Variants in CPA1 observed in about 807,000 individuals in gnomAD.
The protein encoded by CPA1 is carboxypeptidase A1 (pancreatic).
In CPA1, 42 loss-of-function variants were observed where a neutral mutation model predicts 48.7. The ratio of observed to expected loss-of-function variants is 0.86; its 90% CI spans 0.67 to 1.11. The LOEUF (loss-of-function observed/expected upper bound fraction) is 1.11. Ranked by LOEUF, CPA1 falls within the 50% of genes most tolerant of loss-of-function variation. The pLI is 0.00. For missense variants in CPA1, 477 were observed against 544.7 expected, an observed-to-expected ratio of 0.88 and a Z score of 1.24; for synonymous variants, 203 against 217.9, an observed-to-expected ratio of 0.93 and a Z score of 0.60.
chr7:130,384,668 C>G (rs373588913), intron 7 of CPA1, 42 bp downstream of exon 7: 3 of 1,504,976 alleles, frequency 2.0e-6, no homozygotes, highest in Non-Finnish European at 2.8e-6. Flanking sequence ...GGGATGGCCT[C>G]GAATGGCTCC....
intron 6 of CPA1, 64 bp from the exon 7 acceptor site, chr7:130,384,472 C>T: frequency 6.9e-7 from 1 of 1,452,680 alleles, no homozygotes; most frequent in Non-Finnish European, 9.7e-7. Context: ...GAACCACCCC[C>T]CACCCAGCAC....
chr7:130,382,019 G>A, intron 3 of CPA1, 89 bp from the exon 4 acceptor site: 6 of 1,250,714 alleles, frequency 4.8e-6, no homozygotes, highest in Admixed American at 1.9e-5. Context: ...TGCAGGGCTC[G>A]CAGCAGGCTG....
rs781853343 is a variant in CPA1 at position 130,387,863 on chromosome 7, A to G, written c.1112A>G (p.Gln371Arg). ...AGCACTATTGACTGGACCTACAGCC[A>G]GGGCATCAAGTACTCCTTCACCTTC... is the stretch of plus-strand genomic sequence containing the variant. ...SGSTIDWTYS[Q>R]GIKYSFTFEL... The change falls in exon 10 of 10, where the codon CAG (glutamine) becomes CGG (arginine). Residue 371 changes from glutamine to arginine, a missense_variant. By Grantham distance (43) the Gln-to-Arg change is conservative (BLOSUM62 1). Transcript: ENST00000011292. This position sits in a 1 kb window ranked among gnomAD's most constrained non-coding sequence, Gnocchi z 4.6. 4.3e-6 allele frequency: 7 copies of G among 1,614,030 alleles called. No individual in the cohort carries two copies. The East Asian group carries it at 1.6e-4, about 36-fold the overall frequency.
intron 2 of CPA1, 44 bp downstream of exon 2, chr7:130,381,223 G>T (rs984637728): frequency 2.1e-6 from 3 of 1,453,758 alleles, no homozygotes; most frequent in Admixed American, 1.8e-5. Flanking sequence ...CAGGGTATCA[G>T]CTGGGGCCAC....
In CPA1 at chr7:130,383,699, G is replaced by C; in HGVS notation, c.601G>C (p.Gly201Arg). 1 of 1,613,858 alleles carries C rather than the reference G, an allele frequency of 6.2e-7. No individual in the cohort carries two copies. Among genetic ancestry groups the C allele is most frequent in the Non-Finnish European group, 8.5e-7 (1 of 1,179,720 alleles). Residue 201 changes from glycine to arginine, a missense_variant, in exon 6 of 10, where the codon GGG becomes CGG. By Grantham distance (125) the Gly-to-Arg change is moderately radical (BLOSUM62 -2). Coordinates refer to ENST00000011292, the MANE Select transcript of CPA1 (RefSeq NM_001868.4). The part of the protein sequence containing the change: ...WFAKKITQDY[G>R]QDAAFTAILD... Reference sequence around the variant, plus strand: ...AACCCCCCAGATCACTCAAGACTACGGGCAGGATGCAGCTTTCACCGCCAT... The same window carrying C: ...AACCCCCCAGATCACTCAAGACTACCGGCAGGATGCAGCTTTCACCGCCAT...
Position 130,387,807 on chromosome 7 carries a change from T to C in CPA1, c.1073-17T>C. On this transcript the variant is annotated splice_polypyrimidine_tract_variant and intron_variant, in intron 9 of 9. Coordinates refer to ENST00000011292, the MANE Select transcript of CPA1 (RefSeq NM_001868.4). The surrounding 1 kb of genome is among the most constrained non-coding windows in gnomAD (Gnocchi z 4.6). ...AAAGTGATTGACCCTTTCTCTCCTA[T>C]TTTACTCCTGCCCCAGATCAAGCCA... 6.2e-7 allele frequency: 1 copy of C among 1,611,662 alleles called. No homozygotes were observed. Among genetic ancestry groups the C allele is most frequent in the Non-Finnish European group, 8.5e-7 (1 of 1,178,496 alleles).
At chr7:130,382,714 G>A (rs988650937) in intron 4 of CPA1, among the ~76,000 whole-genome samples, 4 of 141,894 alleles carry the variant, frequency 2.8e-5, no homozygotes, top group South Asian at 4.5e-4. Context: ...GCGTCATCTC[G>A]GCTCACTGAA....
rs782633916 is a variant in CPA1, at chr7:130,385,130, C to T, written c.788-16C>T. 3.1e-6 allele frequency: 5 copies of T among 1,613,768 alleles called. No individual in the cohort carries two copies. Among genetic ancestry groups the T allele is most frequent in the Non-Finnish European group, 3.4e-6 (4 of 1,179,846 alleles). The stretch of plus-strand genomic sequence containing the variant: ...GCTGGAGGAGCCACACCGCCATGCC[C>T]TCTGTCCCCCCACAGTGTCCGGAGC... On this transcript the variant is annotated splice_polypyrimidine_tract_variant and intron_variant, in intron 7 of 9. Transcript: ENST00000011292.
At chr7:130,382,630 ATTTTTT>A (rs34457825) in intron 4 of CPA1, among the ~76,000 whole-genome samples, 19 of 74,386 alleles carry the variant, frequency 2.6e-4, no homozygotes, top group South Asian at 2.0e-3. Context: ...TGCCCGGGTA[ATTTTTT>A]TTTTTTTTTT....
chr7:130,385,424 T>C, intron 8 of CPA1, 79 bp downstream of exon 8: 1 of 1,331,364 alleles, frequency 7.5e-7, no homozygotes, highest in Middle Eastern at 2.3e-4. Flanking sequence ...TCAGACCTGC[T>C]TAAGGCACAG....
chr7:130,387,374 C>T lies in CPA1; in HGVS notation c.1073-450C>T, dbSNP rs1161577635. On this transcript the variant is annotated intron_variant, in intron 9 of 9. Transcript: ENST00000011292. The surrounding 1 kb of genome is among the most constrained non-coding windows in gnomAD (Gnocchi z 4.6). ...CATTACCCACTGTTAATTACAGTTT[C>T]CCGGGCAAAGTTTCCTCCTAAAAGA... is the stretch of plus-strand genomic sequence containing the variant. 1.3e-5 allele frequency among the ~76,000 whole-genome samples: 2 copies of T among 152,208 alleles called. No individual in the cohort carries two copies. Among genetic ancestry groups the T allele is most frequent in the African/African-American group, 4.8e-5 (2 of 41,454 alleles).
At position 130,382,226 on chromosome 7, in the gene CPA1, G is replaced by GACAT; in HGVS notation, c.483+21_483+24dup. 6.3e-7 allele frequency: 1 copy of GACAT among 1,596,990 alleles called. No homozygotes were observed. Among genetic ancestry groups the GACAT allele is most frequent in the Non-Finnish European group, 8.6e-7 (1 of 1,164,530 alleles). ...GTGCTGAAGGTAACATCCACATGTG[G>GACAT]ACATACACAGGGGAGAATGGACCCA... On this transcript the variant is annotated intron_variant, in intron 4 of 9. Coordinates refer to ENST00000011292, the MANE Select transcript of CPA1 (RefSeq NM_001868.4).
At chr7:130,383,976 A>T (rs532987707) in intron 6 of CPA1, 182 bp downstream of exon 6, 25 of 623,468 alleles carry the variant, frequency 4.0e-5, no homozygotes, top group Non-Finnish European at 6.4e-5. Context: ...ATTCTTTGTC[A>T]TGGGGGCTGT....
At chr7:130,386,359 C>T (rs113898380) in intron 9 of CPA1, among the ~76,000 whole-genome samples, 3,212 of 151,888 alleles carry the variant, frequency 0.021, 109 homozygotes, top group African/African-American at 0.072. Flanking sequence ...GGTGAAACCC[C>T]GTCTTTATTA....
intron 9 of CPA1, among the ~76,000 whole-genome samples, chr7:130,386,617 G>A (rs1554412076): frequency 6.6e-6 from 1 of 152,106 alleles, no homozygotes; most frequent in African/African-American, 2.4e-5. Context: ...ACTTATTCAT[G>A]CAGTGCCCCT....
chr7:130,384,203 A>T (rs1392376069), intron 6 of CPA1: 2 of 452,976 alleles, frequency 4.4e-6, no homozygotes, highest in East Asian at 8.3e-5. Context: ...GACCAATGAC[A>T]TGGGGCCACA....
Position 130,381,642 on chromosome 7 carries a change from CG to C in CPA1, c.165del (p.Pro56LeufsTer34), listed in dbSNP as rs1796405551. On this transcript the variant is annotated frameshift_variant, in exon 3 of 10. Coordinates refer to ENST00000011292, the MANE Select transcript of CPA1 (RefSeq NM_001868.4). LOFTEE classifies it high-confidence loss of function. ...TTGTCCTCCCCAGCTGGACTTCTGGCGGGGGCCTGCCCACCCTGGCTCCCCC... is the reference window on the plus strand; with the variant it reads ...TTGTCCTCCCCAGCTGGACTTCTGGCGGGGCCTGCCCACCCTGGCTCCCCC... Reference protein sequence around the residue: ...DLEHLQLDFWRGPAHPGSPID... With the variant: ...DLEHLQLDFWXGPAHPGSPID... 4 of 1,613,346 alleles carry C rather than the reference CG, an allele frequency of 2.5e-6. No homozygotes were observed. Among genetic ancestry groups the C allele is most frequent in the Non-Finnish European group, 3.4e-6 (4 of 1,179,640 alleles).
chr7:130,381,646 G>A lies in CPA1; in HGVS notation c.164G>A (p.Gly55Glu), dbSNP rs1554411190. The change falls in exon 3 of 10, where the codon GGG becomes GAG. Residue 55 changes from glycine to glutamate, a missense_variant. Transcript: ENST00000011292. ...LEHLQLDFWR[G>E]PAHPGSPIDV... ...CCTCCCCAGCTGGACTTCTGGCGGG[G>A]GCCTGCCCACCCTGGCTCCCCCATC... The A allele has an allele frequency of 1.2e-6, 2 of 1,613,662 alleles. No homozygotes were observed. The highest frequency in any genetic ancestry group is 3.3e-5 in the Admixed American group (2 of 60,018).
At chr7:130,383,526 G>A (rs1318115505) in intron 5 of CPA1, 34 bp downstream of exon 5, 61 of 1,566,290 alleles carry the variant, frequency 3.9e-5, no homozygotes, top group Non-Finnish European at 5.4e-5. Flanking sequence ...GCTCTCACCT[G>A]GTGGGGCATT....
Sources: allele counts gnomAD v4.1 joint callset (sites outside exome capture counted in the v4.1 genomes callset), GRCh38; gene constraint gnomAD v4.1.1; non-coding constraint Gnocchi (gnomAD v3.1); transcripts MANE v1.5; gene names NCBI Gene and HGNC (gene_info 2026-07-23, HGNC 2026-07-21).